The following TAF7L variants were observed in gnomAD, a reference collection of about 807,000 sequenced individuals.
The protein encoded by TAF7L is TATA-box binding protein associated factor 7 like.
Under a neutral mutation model 30.2 loss-of-function variants are expected in TAF7L, and 6 were observed. That is an observed-to-expected ratio of 0.20 (90% confidence interval 0.11 to 0.39). TAF7L has a LOEUF of 0.39. TAF7L is among the 10% of genes least tolerant of loss of function. The probability of loss-of-function intolerance (pLI) is 1.00; values close to 1 mark genes in which losing one functional copy is unlikely to be tolerated. For missense variants in TAF7L, 284 were observed against 277.1 expected (o/e 1.03, Z -0.18); for synonymous variants, 93 against 94.5 (o/e 0.98, Z 0.09).
intron 9 of TAF7L, 30 bp downstream of exon 9, chrX:101,277,576 G>A (rs1229944597): frequency 2.1e-6 from 2 of 964,157 alleles, no homozygotes; most frequent in Non-Finnish European, 2.8e-6. Flanking sequence ...TGCCCTATCT[G>A]AAACTCCTGC....
At chrX:101,269,270 C>A in intron 12 of TAF7L, 33 bp from the exon 13 acceptor site, 1 of 1,164,700 alleles carries the variant, frequency 8.6e-7, no homozygotes, top group South Asian at 1.9e-5. Flanking sequence ...ATGAAAAATT[C>A]ATTTGAAATT....
At chrX:101,291,764 G>GC (rs1321901973), upstream of TAF7L, among the ~76,000 whole-genome samples, 2 of 109,205 alleles carry the variant, frequency 1.8e-5, no homozygotes, top group Non-Finnish European at 3.8e-5. Context: ...TGCTCAGTAG[G>GC]CTGAGGCAGG....
chrX:101,292,907 C>T, upstream of TAF7L: 1 of 1,211,206 alleles, frequency 8.3e-7, no homozygotes, highest in South Asian at 1.8e-5. Context: ...GCAATGTCGG[C>T]GCTGCTTTCA....
chrX:101,279,856 A>G (rs1221384412), intron 6 of TAF7L, among the ~76,000 whole-genome samples: 1 of 111,240 alleles, frequency 9.0e-6, no homozygotes, highest in African/African-American at 3.3e-5. Context: ...TGCAAAAGCA[A>G]TACAACAGAG....
intron 2 of TAF7L, 107 bp downstream of exon 2, chrX:101,287,371 G>T: frequency 1.6e-6 from 1 of 638,013 alleles, no homozygotes; most frequent in Non-Finnish European, 2.4e-6. Context: ...CAAATGTTCT[G>T]AGTTTTTATA....
At chrX:101,287,363 A>G in intron 2 of TAF7L, 115 bp downstream of exon 2, 1 of 610,703 alleles carries the variant, frequency 1.6e-6, no homozygotes, top group Non-Finnish European at 2.5e-6. Flanking sequence ...CTGGGAAACA[A>G]ATGTTCTGAG....
In TAF7L at chrX:101,276,044, T is replaced by C. The variant is rs1256133826; in HGVS notation, c.982A>G (p.Arg328Gly). ...KLHKIQNKAQRQKDLIMKVEN... is the reference protein window; with the variant it reads ...KLHKIQNKAQGQKDLIMKVEN... ...ACTTTCATGATGAGATCCTTCTGTC[T>C]TTGTGCTTTATTCTGAATCTTATGG... Residue 328 changes from arginine to glycine, a missense_variant, in exon 11 of 13, where the codon AGA becomes GGA. Physicochemically the swap from Arg to Gly is moderately radical, Grantham distance 125. Coordinates refer to ENST00000356784, the MANE Select transcript of TAF7L (RefSeq NM_001168474.2). 1 of 1,206,254 alleles carries C rather than the reference T, an allele frequency of 8.3e-7. No individual in the cohort carries two copies. Among genetic ancestry groups the C allele is most frequent in the Non-Finnish European group, 1.1e-6 (1 of 894,098 alleles).
intron 6 of TAF7L, among the ~76,000 whole-genome samples, chrX:101,279,392 C>T (rs759933209): frequency 2.7e-5 from 3 of 111,575 alleles, no homozygotes; most frequent in East Asian, 2.8e-4. Flanking sequence ...GAGGCCAAGG[C>T]GGGCGGATCA....
Position 101,283,905 on chromosome X carries a change from C to CA in TAF7L, c.146-323_146-322insT, listed in dbSNP as rs1273515835. Among the ~76,000 whole-genome samples the CA allele has an allele frequency of 4.1e-5, 4 of 98,469 alleles. No individual in the cohort carries two copies. The East Asian group carries it at 1.2e-3, about 31-fold the overall frequency. 85.5% of individuals were successfully genotyped at this position (98,469 alleles called of 115,157 possible). A position where few individuals can be genotyped will look rare whatever the true frequency, so the allele number is the denominator to read the frequency against. ...AAATTCCATTCATTAAAACCAATTCCTTTTTTTTTTTTTTTAGAAGCATTC... is the reference window on the plus strand; with the variant it reads ...AAATTCCATTCATTAAAACCAATTCCATTTTTTTTTTTTTTTAGAAGCATTC... On this transcript the variant is annotated intron_variant, in intron 3 of 12. Coordinates refer to ENST00000356784, the MANE Select transcript of TAF7L (RefSeq NM_001168474.2).
intron 9 of TAF7L, 34 bp from the exon 10 acceptor site, chrX:101,276,562 C>T: frequency 8.4e-7 from 1 of 1,191,958 alleles, no homozygotes; most frequent in Non-Finnish European, 1.1e-6. Context: ...GGTGAACTAT[C>T]TAAAACTCTG....
intron 7 of TAF7L, 80 bp from the exon 8 acceptor site, chrX:101,278,201 G>A (rs1449864638): frequency 1.5e-5 from 11 of 739,680 alleles, no homozygotes; most frequent in South Asian, 2.5e-5. Context: ...GCCCTCCTAC[G>A]TACCAACGAA....
In TAF7L at chrX:101,269,157, G is replaced by GAAT; in HGVS notation, c.*33_*35dup. ...TCATCCAATCTGCAGTCTGGATGGT[G>GAAT]AATCCAAGGTTTGTGGGCCACGCCA... On this transcript the variant is annotated 3_prime_UTR_variant, in exon 13 of 13. Coordinates refer to ENST00000356784, the MANE Select transcript of TAF7L (RefSeq NM_001168474.2). 8.4e-7 allele frequency: 1 copy of GAAT among 1,187,507 alleles called. No individual in the cohort carries two copies. The highest frequency in any genetic ancestry group is 1.1e-6 in the Non-Finnish European group (1 of 876,272).
At chrX:101,274,510 T>A (rs954769251) in intron 12 of TAF7L, among the ~76,000 whole-genome samples, 6 of 111,637 alleles carry the variant, frequency 5.4e-5, no homozygotes, top group African/African-American at 1.6e-4. Flanking sequence ...CCTGGCCTCA[T>A]TATAATGTTG....
chrX:101,271,043 T>G (rs1196661153), intron 12 of TAF7L, among the ~76,000 whole-genome samples: 1 of 111,374 alleles, frequency 9.0e-6, no homozygotes, highest in African/African-American at 3.3e-5. Context: ...CCATGGACAA[T>G]CTGTCATTCC....
intron 1 of TAF7L, among the ~76,000 whole-genome samples, chrX:101,289,675 C>T (rs1020710847): frequency 1.4e-4 from 15 of 110,704 alleles, no homozygotes; most frequent in African/African-American, 4.9e-4. Flanking sequence ...CTCTGCTGCC[C>T]GGGTTCAAGT....
In TAF7L at chrX:101,287,081, G is replaced by C. The variant is rs1046762965; in HGVS notation, c.66+397C>G. On this transcript the variant is annotated intron_variant, in intron 2 of 12. Transcript: ENST00000356784. ...TGTGGGGGAAGAGAGCCAAATACTT[G>C]TTGAGATGAGCTTTAAAAGTCTTGC... 2.7e-5 allele frequency among the ~76,000 whole-genome samples: 3 copies of C among 111,963 alleles called. No homozygotes were observed. In the East Asian group the frequency reaches 8.3e-4, roughly 31 times the overall value.
intron 9 of TAF7L, 36 bp downstream of exon 9, chrX:101,277,570 C>G: frequency 2.3e-6 from 2 of 862,051 alleles, no homozygotes; most frequent in Non-Finnish European, 3.3e-6. Flanking sequence ...AATACCTGCC[C>G]TATCTGAAAC....
chrX:101,279,807 A>G (rs1924339560), intron 6 of TAF7L, among the ~76,000 whole-genome samples: 1 of 111,190 alleles, frequency 9.0e-6, no homozygotes, highest in Admixed American at 9.7e-5. Context: ...ACCCAGAAAC[A>G]GACCCATAAA....
At chrX:101,282,234 C>G in intron 5 of TAF7L, 93 bp downstream of exon 5, 2 of 1,114,025 alleles carry the variant, frequency 1.8e-6, no homozygotes, top group South Asian at 2.0e-5. Context: ...AACCAAACAC[C>G]TAAGTGTGGT....
Sources: allele counts gnomAD v4.1 joint callset (sites outside exome capture counted in the v4.1 genomes callset), GRCh38; gene constraint gnomAD v4.1.1; transcripts MANE v1.5; gene names NCBI Gene and HGNC (gene_info 2026-07-23, HGNC 2026-07-21).